The following ERI3 variants were observed in gnomAD, a reference collection of about 807,000 sequenced individuals.
ERI3 encodes the protein ERI1 exoribonuclease 3.
Under a neutral mutation model 44.4 loss-of-function variants are expected in ERI3, and 18 were observed. That is an observed-to-expected ratio of 0.41 (90% CI 0.28 to 0.60). The LOEUF is 0.60. ERI3 is among the 20% of genes least tolerant of loss of function. The probability of loss-of-function intolerance (pLI) is 0.36; values close to 1 mark genes in which losing one functional copy is unlikely to be tolerated. For synonymous variants in ERI3, 183 were observed against 164.8 expected (o/e 1.11, Z -0.84); for missense variants, 294 against 435.5 (o/e 0.68, Z 2.89).
intron 8 of ERI3, among the ~76,000 whole-genome samples, chr1:44,239,567 C>T (rs1295970034): frequency 6.6e-6 from 1 of 152,192 alleles, no homozygotes. Context: ...GCCTCAGAAG[C>T]AAGAGGGGCA....
chr1:44,285,086 G>A (rs1465227233), intron 6 of ERI3, among the ~76,000 whole-genome samples, 179 bp from the exon 7 acceptor site: 1 of 152,160 alleles, frequency 6.6e-6, no homozygotes, highest in Non-Finnish European at 1.5e-5. Flanking sequence ...ATGGACACTG[G>A]GCTCCAGCTC....
chr1:44,309,368 G>A (rs1262960594), intron 5 of ERI3, among the ~76,000 whole-genome samples: 3 of 151,926 alleles, frequency 2.0e-5, no homozygotes, highest in Non-Finnish European at 2.9e-5. Flanking sequence ...GGTGGTGCAC[G>A]CCTGTAATCC....
intron 7 of ERI3, among the ~76,000 whole-genome samples, chr1:44,255,355 AC>A (rs1464608726): frequency 2.1e-5 from 3 of 144,574 alleles, no homozygotes; most frequent in Admixed American, 1.4e-4. Flanking sequence ...CATCTCTGAA[AC>A]CCTTCTCCCT....
At chr1:44,340,161 A>C (rs1034714857) in intron 2 of ERI3, among the ~76,000 whole-genome samples, 3 of 152,210 alleles carry the variant, frequency 2.0e-5, no homozygotes, top group Non-Finnish European at 4.4e-5. Flanking sequence ...AAAAAAAAAA[A>C]AAAAAAATCA....
At chr1:44,313,888 G>A (rs1362827589) in intron 4 of ERI3, among the ~76,000 whole-genome samples, 7 of 152,096 alleles carry the variant, frequency 4.6e-5, no homozygotes, top group Admixed American at 4.6e-4. Context: ...TTCAGACTAT[G>A]ACCTAGAGAA....
At chr1:44,249,184 A>G (rs1006007181) in intron 7 of ERI3, among the ~76,000 whole-genome samples, 2 of 152,188 alleles carry the variant, frequency 1.3e-5, no homozygotes, top group Non-Finnish European at 2.9e-5. Context: ...GAAGTCCCCA[A>G]ACACCAGGCT....
intron 8 of ERI3, among the ~76,000 whole-genome samples, chr1:44,246,463 G>A (rs2154318007): frequency 6.6e-6 from 1 of 152,340 alleles, no homozygotes; most frequent in South Asian, 2.1e-4. Flanking sequence ...CTATGCGAGG[G>A]AACAGCAGTT....
At chr1:44,309,842 G>C (rs185133871) in intron 5 of ERI3, among the ~76,000 whole-genome samples, 2 of 152,094 alleles carry the variant, frequency 1.3e-5, no homozygotes, top group African/African-American at 2.4e-5. Context: ...GGATTACAGG[G>C]GTAAGCCACC....
chr1:44,250,142 C>G (rs1159487041), intron 7 of ERI3, among the ~76,000 whole-genome samples: 1 of 152,214 alleles, frequency 6.6e-6, no homozygotes, highest in Non-Finnish European at 1.5e-5. Flanking sequence ...TCTCGGCTGA[C>G]ACTCAATTCA....
chr1:44,242,666 C>T (rs757450482), intron 8 of ERI3, among the ~76,000 whole-genome samples: 12 of 152,184 alleles, frequency 7.9e-5, no homozygotes, highest in Admixed American at 1.3e-4. Flanking sequence ...CCCCCTCCCC[C>T]AGGCCACAGT....
intron 2 of ERI3, 88 bp from the exon 3 acceptor site, chr1:44,339,410 A>C (rs1291854792): frequency 1.6e-5 from 22 of 1,365,560 alleles, no homozygotes; most frequent in Non-Finnish European, 2.0e-5. Flanking sequence ...ACTCCCTCCC[A>C]CTGTGGCCCT....
intron 3 of ERI3, chr1:44,322,812 A>G: frequency 6.5e-7 from 1 of 1,550,150 alleles, no homozygotes; most frequent in Non-Finnish European, 8.7e-7. Flanking sequence ...GAGGTGCCCC[A>G]ATCTGCACCA....
intron 4 of ERI3, among the ~76,000 whole-genome samples, chr1:44,317,144 G>GCATA (rs1553196479): frequency 6.6e-6 from 1 of 151,016 alleles, no homozygotes; most frequent in East Asian, 1.9e-4. Flanking sequence ...GCATGTGCGT[G>GCATA]CACACACACA....
chr1:44,341,681 G>A (rs1646656814), intron 2 of ERI3, among the ~76,000 whole-genome samples: 1 of 152,154 alleles, frequency 6.6e-6, no homozygotes, highest in African/African-American at 2.4e-5. Context: ...GAGCCCAGGA[G>A]TTCGAAACCA....
intron 7 of ERI3, among the ~76,000 whole-genome samples, chr1:44,266,589 C>A (rs1644994954): frequency 6.6e-6 from 1 of 152,212 alleles, no homozygotes; most frequent in African/African-American, 2.4e-5. Flanking sequence ...ACTCTAATGA[C>A]CAGTGACGGC....
Position 44,354,991 on chromosome 1 carries a change from C to T in ERI3, c.36G>A (p.Arg12=). The change falls in exon 1 of 9, where the codon CGG becomes CGA. Residue 12 remains arginine (R), a synonymous_variant. Coordinates refer to ENST00000372257, the MANE Select transcript of ERI3 (RefSeq NM_024066.3). ...ATASPAADGG[R]GRPWEGGLVS... ...CCAGCCCTCCTTCCCAGGGCCGCCC[C>T]CGCCCCCCGTCAGCAGCGGGAGAGG... 1 of 1,373,810 alleles carries T rather than the reference C, an allele frequency of 7.3e-7. No individual in the cohort carries two copies. Among genetic ancestry groups the T allele is most frequent in the Non-Finnish European group, 9.4e-7 (1 of 1,058,350 alleles). The allele number at this position is 1,373,810 out of a possible 1,614,324, so 85.1% of individuals were successfully genotyped here.
intron 3 of ERI3, among the ~76,000 whole-genome samples, chr1:44,320,892 G>C (rs533756537): frequency 6.6e-6 from 1 of 152,302 alleles, no homozygotes; most frequent in South Asian, 2.1e-4. Flanking sequence ...AGAGAGAAAG[G>C]AAGGGGGCTC....
At chr1:44,313,066 C>G in intron 5 of ERI3, 103 bp downstream of exon 5, 1 of 977,834 alleles carries the variant, frequency 1.0e-6, no homozygotes, top group Non-Finnish European at 1.6e-6. Context: ...TCTAATCAAG[C>G]CATAATCATA....
At chr1:44,234,663 A>C (rs954364469) in intron 8 of ERI3, among the ~76,000 whole-genome samples, 3 of 152,146 alleles carry the variant, frequency 2.0e-5, no homozygotes, top group African/African-American at 7.2e-5. Flanking sequence ...TGTCTCAAAA[A>C]ACAGCAACAG....
Sources: allele counts gnomAD v4.1 joint callset (sites outside exome capture counted in the v4.1 genomes callset), GRCh38; gene constraint gnomAD v4.1.1; transcripts MANE v1.5; gene names NCBI Gene and HGNC (gene_info 2026-07-23, HGNC 2026-07-21).